The following SEMA5A variants were observed in gnomAD, a reference collection of about 807,000 sequenced individuals.
SEMA5A encodes the protein semaphorin 5A, also known as semaphorin-5A.
SEMA5A carries 55 observed loss-of-function variants against 135.5 expected under a neutral mutation model. That is an observed-to-expected ratio of 0.41 (90% CI 0.33 to 0.51). The LOEUF (loss-of-function observed/expected upper bound fraction) is 0.51, where lower values mean the gene tolerates loss of function less well. SEMA5A is among the 20% of genes least tolerant of loss of function. The probability of loss-of-function intolerance (pLI) is 0.37; values close to 1 mark genes in which losing one functional copy is unlikely to be tolerated. For missense variants in SEMA5A, 1,290 were observed against 1,419.9 expected (o/e 0.91, Z 1.47); for synonymous variants, 580 against 546.5 (o/e 1.06, Z -0.85).
At chr5:9,202,345 A>T in intron 8 of SEMA5A, 105 bp from the exon 9 acceptor site, 1 of 1,200,360 alleles carries the variant, frequency 8.3e-7, no homozygotes, top group Non-Finnish European at 1.2e-6. Context: ...TTGTTTAGAT[A>T]ACACCTGGTT....
At chr5:9,048,354 A>G (rs1385512008) in intron 21 of SEMA5A, among the ~76,000 whole-genome samples, 1 of 152,158 alleles carries the variant, frequency 6.6e-6, no homozygotes, top group Non-Finnish European at 1.5e-5. Context: ...TCCATTTATA[A>G]AATGCAGATT....
chr5:9,367,714 G>C (rs1347367590), intron 3 of SEMA5A, among the ~76,000 whole-genome samples: 2 of 152,174 alleles, frequency 1.3e-5, no homozygotes, highest in Admixed American at 1.3e-4. Context: ...TAGTCTGGTT[G>C]TTTCTTCTCT....
intron 4 of SEMA5A, among the ~76,000 whole-genome samples, chr5:9,335,591 A>G (rs963914033): frequency 6.6e-6 from 1 of 152,122 alleles, no homozygotes; most frequent in East Asian, 1.9e-4. Context: ...AAGACTCAAA[A>G]CACTAATTGG....
intron 3 of SEMA5A, 71 bp downstream of exon 3, chr5:9,379,752 A>T (rs1158936909): frequency 7.0e-6 from 11 of 1,562,642 alleles, no homozygotes; most frequent in Non-Finnish European, 9.6e-6. Flanking sequence ...ATGCTCTATT[A>T]TCTTCTATCA....
intron 5 of SEMA5A, chr5:9,280,917 C>T (rs1027334322): frequency 2.4e-5 from 5 of 208,020 alleles, no homozygotes; most frequent in Admixed American, 1.1e-4. Context: ...ATAATTCCTC[C>T]GTTAATTTAA....
intron 2 of SEMA5A, among the ~76,000 whole-genome samples, chr5:9,390,610 T>C (rs380206): frequency 0.23 from 34,936 of 152,040 alleles, 4,609 homozygotes; most frequent in East Asian, 0.45. Flanking sequence ...TGAAACCTTT[T>C]AAATCCAATG....
chr5:9,208,020 C>T (rs1026663663), intron 8 of SEMA5A, among the ~76,000 whole-genome samples: 3 of 152,170 alleles, frequency 2.0e-5, no homozygotes, highest in Admixed American at 2.0e-4. Flanking sequence ...AATACTTCCA[C>T]CTACTGGCTG....
chr5:9,197,214 G>C lies in SEMA5A; in HGVS notation c.1022C>G (p.Ser341Trp). 1.2e-6 allele frequency: 2 copies of C among 1,614,236 alleles called. No individual in the cohort carries two copies. The highest frequency in any genetic ancestry group is 1.7e-6 in the Non-Finnish European group (2 of 1,180,044). The change falls in exon 10 of 23, where the codon TCG (serine) becomes TGG (tryptophan). Residue 341 changes from serine to tryptophan, a missense_variant. This residue lies in a region of SEMA5A where 1,029 missense variants were observed against 1,086.6 expected (regional missense o/e 0.95). Coordinates refer to ENST00000382496, the MANE Select transcript of SEMA5A (RefSeq NM_003966.3). ...GGGATACGGTAGCCAGGCCGAGCGC[G>C]AGTTTTCTTGGTACTTGAAGGGCCC... ...FSGPFKYQEN[S>W]RSAWLPYPNP...
chr5:9,530,489 T>G (rs1320038563), intron 1 of SEMA5A, among the ~76,000 whole-genome samples: 1 of 152,226 alleles, frequency 6.6e-6, no homozygotes, highest in African/African-American at 2.4e-5. Context: ...TTCTTTTTTT[T>G]TATTTTAAAG....
rs534441204 is a variant in SEMA5A at position 9,520,727 on chromosome 5, C to A, written c.-175+24857G>T. 2.0e-5 allele frequency among the ~76,000 whole-genome samples: 3 copies of A among 152,304 alleles called. No individual in the cohort carries two copies. In the East Asian group the frequency reaches 5.8e-4, roughly 29 times the overall value. ...CCCTCCAGAAAATCCTAGCTCCAGG[C>A]AAGTCATGAGAAAAACCTCAGACAC... On this transcript the variant is annotated intron_variant, in intron 1 of 22. Transcript: ENST00000382496.
intron 2 of SEMA5A, among the ~76,000 whole-genome samples, chr5:9,390,327 C>T (rs527768084): frequency 6.6e-6 from 1 of 152,284 alleles, no homozygotes; most frequent in South Asian, 2.1e-4. Context: ...AATGTATGAA[C>T]CCTGAGGGGG....
intron 2 of SEMA5A, among the ~76,000 whole-genome samples, chr5:9,383,383 G>T (rs536882765): frequency 6.6e-6 from 1 of 152,270 alleles, no homozygotes; most frequent in Admixed American, 6.5e-5. Flanking sequence ...ATCAGTTCGG[G>T]TAAATTATCA....
At chr5:9,206,541 C>A (rs1421813946) in intron 8 of SEMA5A, among the ~76,000 whole-genome samples, 1 of 152,040 alleles carries the variant, frequency 6.6e-6, no homozygotes, top group Admixed American at 6.5e-5. Flanking sequence ...ATTCTATATT[C>A]TTTCTATTCC....
rs57203272 is a variant in SEMA5A at position 9,314,698 on chromosome 5, T to TA, written c.270+3673dup. 1.0e-3 allele frequency among the ~76,000 whole-genome samples: 148 copies of TA among 144,454 alleles called. 1 individual carries two copies. Among genetic ancestry groups the TA allele is most frequent in the East Asian group, 6.4e-3 (32 of 4,994 alleles). 94.8% of individuals were successfully genotyped at this position (144,454 alleles called of 152,430 possible). On this transcript the variant is annotated intron_variant, in intron 5 of 22. Transcript: ENST00000382496. ...GCCTCTTTGCTGGAGACACGTGATA[T>TA]AAAAAAAAAAAGTGTGTCATGAATT...
chr5:9,226,620 T>C (rs1219112993), intron 7 of SEMA5A, among the ~76,000 whole-genome samples: 1 of 152,188 alleles, frequency 6.6e-6, no homozygotes, highest in African/African-American at 2.4e-5. Flanking sequence ...AAAATGCTGG[T>C]TGGAATAGTT....
At chr5:9,213,058 C>CA (rs1269597974) in intron 8 of SEMA5A, among the ~76,000 whole-genome samples, 31 of 152,180 alleles carry the variant, frequency 2.0e-4, no homozygotes, top group Non-Finnish European at 4.4e-5. Flanking sequence ...ACTGTGTCCT[C>CA]ACAAGGTGGG....
intron 5 of SEMA5A, among the ~76,000 whole-genome samples, chr5:9,265,180 T>C (rs1428674820): frequency 6.6e-6 from 1 of 151,852 alleles, no homozygotes; most frequent in African/African-American, 2.4e-5. Context: ...GGTGTGAGAG[T>C]AAAATTCAGC....
At chr5:9,154,213 T>C (rs1262883671) in intron 12 of SEMA5A, among the ~76,000 whole-genome samples, 1 of 151,086 alleles carries the variant, frequency 6.6e-6, no homozygotes, top group Non-Finnish European at 1.5e-5. Context: ...GTATTACCAC[T>C]GAGTGTTCTA....
At chr5:9,289,421 A>G (rs1338082525) in intron 5 of SEMA5A, among the ~76,000 whole-genome samples, 3 of 152,122 alleles carry the variant, frequency 2.0e-5, no homozygotes, top group East Asian at 1.9e-4. Flanking sequence ...TATAAATCCA[A>G]TTTCTTGGGA....
Sources: gnomAD v4.1 joint callset for allele counts (sites outside exome capture counted in the v4.1 genomes callset) on GRCh38, gnomAD v4.1.1 for gene constraint, gnomAD v4.1.1 regional missense constraint, MANE v1.5 for transcripts, NCBI Gene and HGNC (gene_info 2026-07-23, HGNC 2026-07-21) for gene names.